Variants in RLIG1 observed in about 807,000 individuals in gnomAD.
The protein encoded by RLIG1 is RNA ligase 1.
the RLIG1 span, among the ~76,000 whole-genome samples, chr12:88,040,631 G>C: frequency 6.6e-6 from 1 of 152,078 alleles, no homozygotes; most frequent in Non-Finnish European, 1.5e-5. Flanking sequence ...ACTGGCAATG[G>C]GACCTATGTT....
chr12:88,038,056 G>C, the RLIG1 span, among the ~76,000 whole-genome samples: 1 of 152,128 alleles, frequency 6.6e-6, no homozygotes, highest in African/African-American at 2.4e-5. Flanking sequence ...AAAGGCAAGT[G>C]ATTCTTACTA....
the RLIG1 span, chr12:88,048,169 AATATTTCT>A: frequency 7.7e-7 from 1 of 1,294,930 alleles, no homozygotes; most frequent in South Asian, 2.2e-5. Flanking sequence ...TGGGCACTCA[AATATTTCT>A]AAGTGAATGA....
chr12:88,038,664 C>T, the RLIG1 span, among the ~76,000 whole-genome samples: 31 of 152,140 alleles, frequency 2.0e-4, no homozygotes, highest in African/African-American at 7.0e-4. Context: ...ACTTTCCTTT[C>T]AGGCAGATAA....
At chr12:88,042,693 C>G in the RLIG1 span, 13 of 526,606 alleles carry the variant, frequency 2.5e-5, no homozygotes, top group East Asian at 4.5e-4. Flanking sequence ...GGTATATATT[C>G]TTAGACTCCA....
chr12:88,049,195 G>A, the RLIG1 span: 1 of 1,586,010 alleles, frequency 6.3e-7, no homozygotes, highest in South Asian at 1.2e-5. Flanking sequence ...TAGTAAATGG[G>A]GAAATTAACA....
chr12:88,036,235 A>T, the RLIG1 span, among the ~76,000 whole-genome samples: 1 of 152,126 alleles, frequency 6.6e-6, no homozygotes, highest in Non-Finnish European at 1.5e-5. Flanking sequence ...GTAATTACTT[A>T]ATTTATTCTA....
chr12:88,048,427 CAAATA>C, the RLIG1 span: 3 of 1,316,182 alleles, frequency 2.3e-6, no homozygotes, highest in South Asian at 4.2e-5. Context: ...GTATAAAATG[CAAATA>C]AAATTAGTTT....
the RLIG1 span, among the ~76,000 whole-genome samples, chr12:88,047,451 T>C: frequency 2.0e-5 from 3 of 152,130 alleles, no homozygotes; most frequent in Non-Finnish European, 4.4e-5. Flanking sequence ...TGGGCCTAGT[T>C]GTAACTCTCT....
the RLIG1 span, chr12:88,048,928 C>A: frequency 3.6e-6 from 1 of 276,276 alleles, no homozygotes; most frequent in South Asian, 1.4e-4. Flanking sequence ...CTTTAAAAAA[C>A]TTAAAGCATT....
chr12:88,043,938 T>G, the RLIG1 span: 62 of 528,410 alleles, frequency 1.2e-4, 1 homozygote, highest in African/African-American at 9.8e-4. Context: ...AGATGGGCAT[T>G]TTTTACTAGC....
chr12:88,049,303 A>C, the RLIG1 span: 1 of 1,601,062 alleles, frequency 6.2e-7, no homozygotes, highest in Non-Finnish European at 8.5e-7. Flanking sequence ...TTCTCTTCTA[A>C]GAGAATATTC....
At chr12:88,035,844 T>C in the RLIG1 span, 20 of 1,533,704 alleles carry the variant, frequency 1.3e-5, no homozygotes, top group East Asian at 2.5e-5. Context: ...AGAACTGCCC[T>C]GCAGGCCAGG....
At chr12:88,035,698 C>G in the RLIG1 span, 1 of 1,608,232 alleles carries the variant, frequency 6.2e-7, no homozygotes, top group Non-Finnish European at 8.5e-7. Flanking sequence ...GTGTTTGTGA[C>G]GGAGGTGAAA....
the RLIG1 span, among the ~76,000 whole-genome samples, chr12:88,036,923 G>T: frequency 3.3e-5 from 5 of 151,926 alleles, no homozygotes; most frequent in African/African-American, 1.2e-4. Context: ...TTTCAACTTC[G>T]TATGTTTGAG....
At chr12:88,043,685 C>A in the RLIG1 span, 2 of 1,612,316 alleles carry the variant, frequency 1.2e-6, no homozygotes, top group East Asian at 2.2e-5. Context: ...AAATGGGAAC[C>A]CAGTGCCTGA....
At chr12:88,040,350 C>T in the RLIG1 span, 1 of 744,898 alleles carries the variant, frequency 1.3e-6, no homozygotes, top group African/African-American at 1.8e-5. Flanking sequence ...GGCATTTGCT[C>T]TTCATAAACA....
chr12:88,045,463 C>A, the RLIG1 span: 2 of 700,810 alleles, frequency 2.9e-6, no homozygotes, highest in Non-Finnish European at 4.8e-6. Flanking sequence ...AAAGTAATAT[C>A]TCTTTGCGAT....
chr12:88,039,105 A>T, the RLIG1 span, among the ~76,000 whole-genome samples: 2 of 152,298 alleles, frequency 1.3e-5, no homozygotes, highest in African/African-American at 4.8e-5. Flanking sequence ...GACGTGGGTG[A>T]TTCATTTATG....
the RLIG1 span, chr12:88,035,716 C>T: frequency 1.2e-6 from 2 of 1,604,348 alleles, no homozygotes; most frequent in Non-Finnish European, 1.7e-6. Context: ...AAAGAGGAGC[C>T]TTCCTCCAAA....
Sources: allele counts gnomAD v4.1 joint callset (sites outside exome capture counted in the v4.1 genomes callset), GRCh38; gene constraint gnomAD v4.1.1; transcripts MANE v1.5; gene names NCBI Gene and HGNC (gene_info 2026-07-23, HGNC 2026-07-21).